ITPRIPL2: variants seen among roughly 807,000 people sequenced by gnomAD.
ITPRIPL2 encodes the protein ITPRIP like 2.
Under a neutral mutation model 31.7 loss-of-function variants are expected in ITPRIPL2, and 29 were observed. The ratio of observed to expected loss-of-function variants is 0.91; its 90% CI spans 0.68 to 1.25. ITPRIPL2 has a LOEUF of 1.25. ITPRIPL2 is among the 50% of genes most tolerant of loss of function. The pLI, the probability that ITPRIPL2 is intolerant of heterozygous loss-of-function variation, is 0.00. For missense variants in ITPRIPL2, 696 were observed against 739.1 expected, an observed-to-expected ratio of 0.94 and a Z score of 0.68; for synonymous variants, 344 against 343.4, an observed-to-expected ratio of 1.00 and a Z score of -0.02.
Position 19,114,541 on chromosome 16 carries a change from A to C in ITPRIPL2, c.80A>C (p.Tyr27Ser). 1 of 1,521,124 alleles carries C rather than the reference A, an allele frequency of 6.6e-7. No homozygotes were observed. Among genetic ancestry groups the C allele is most frequent in the Non-Finnish European group, 8.8e-7 (1 of 1,136,994 alleles). 94.2% of individuals were successfully genotyped at this position (1,521,124 alleles called of 1,614,324 possible). Residue 27 changes from tyrosine (Y) to serine (S), a missense_variant, in exon 1 of 1, where the codon TAC becomes TCC. Transcript: ENST00000381440. ...TGLCTALVCL[Y>S]HVLRGSGGAR... is the part of the protein sequence containing the mutation. ...CTGTGCACCGCCCTGGTGTGCCTCT[A>C]CCATGTCCTGCGGGGAAGCGGGGGC...
Position 19,115,170 on chromosome 16 carries a change from T to A in ITPRIPL2, c.709T>A (p.Cys237Ser), listed in dbSNP as rs8051801. The A allele has an allele frequency of 1.7e-3, 2,662 of 1,605,748 alleles. 46 individuals carry two copies. In the African/African-American group the frequency reaches 0.032, roughly 19 times the overall value. ...CTGCAAACCCTTTGCTGATGCCTTC[T>A]GCGTGGATGTGCGCGGGCGGCGTCA... is the stretch of plus-strand genomic sequence containing the variant. Reference protein sequence around the residue: ...RDCKPFADAFCVDVRGRRHLS... With the variant: ...RDCKPFADAFSVDVRGRRHLS... The change falls in exon 1 of 1, where the codon TGC (cysteine) becomes AGC (serine). Residue 237 changes from cysteine to serine, a missense_variant. By Grantham distance (112) the Cys-to-Ser change is moderately radical. Coordinates refer to ENST00000381440, the MANE Select transcript of ITPRIPL2 (RefSeq NM_001034841.4).
rs1963395540 is a variant in ITPRIPL2 at position 19,114,051 on chromosome 16, G to A, written c.-411G>A. 2 of 397,806 alleles carry A rather than the reference G, an allele frequency of 5.0e-6. No homozygotes were observed. The highest frequency in any genetic ancestry group is 8.9e-6 in the Non-Finnish European group (2 of 225,496). 24.6% of individuals were successfully genotyped at this position (397,806 alleles called of 1,614,324 possible). On this transcript the variant is annotated 5_prime_UTR_variant, in exon 1 of 1. Coordinates refer to ENST00000381440, the MANE Select transcript of ITPRIPL2 (RefSeq NM_001034841.4). The stretch of plus-strand genomic sequence containing the variant: ...GCGGCCTCGCCTCCCCCTCGGAAGA[G>A]GAAACTCCCGGGGTCCGAGTAACAG...
rs1963467802 is a variant in ITPRIPL2 at position 19,118,145 on chromosome 16, G to C, written c.*2076G>C. 6.0e-6 allele frequency: 1 copy of C among 166,460 alleles called. No individual in the cohort carries two copies. The highest frequency in any genetic ancestry group is 2.4e-5 in the African/African-American group (1 of 41,282). The allele number at this position is 166,460 out of a possible 1,614,324, so 10.3% of individuals were successfully genotyped here. On this transcript the variant is annotated 3_prime_UTR_variant, in exon 1 of 1. Coordinates refer to ENST00000381440, the MANE Select transcript of ITPRIPL2 (RefSeq NM_001034841.4). The stretch of plus-strand genomic sequence containing the variant: ...CTCTGTACTCATTGTTTACTACAGT[G>C]GGGGACATCAAGGGTTGGAAGGATT...
Position 19,116,226 on chromosome 16 carries a change from C to T in ITPRIPL2, c.*157C>T. On this transcript the variant is annotated 3_prime_UTR_variant, in exon 1 of 1. Coordinates refer to ENST00000381440, the MANE Select transcript of ITPRIPL2 (RefSeq NM_001034841.4). ...TTTAGTGGCTTAAATATCACCTTCT[C>T]GCTTCACAGTCCAGTATAATATGAC... 2 of 676,098 alleles carry T rather than the reference C, an allele frequency of 3.0e-6. No individual in the cohort carries two copies. The highest frequency in any genetic ancestry group is 5.1e-6 in the Non-Finnish European group (2 of 394,366). 41.9% of individuals were successfully genotyped at this position (676,098 alleles called of 1,614,324 possible). A position where few individuals can be genotyped will look rare whatever the true frequency, so the allele number is the denominator to read the frequency against.
In ITPRIPL2 at chr16:19,115,622, C is replaced by T. The variant is rs1963431270; in HGVS notation, c.1161C>T (p.Ala387=). 6.2e-7 allele frequency: 1 copy of T among 1,608,934 alleles called. No individual in the cohort carries two copies. The highest frequency in any genetic ancestry group is 8.5e-7 in the Non-Finnish European group (1 of 1,179,036). The change falls in exon 1 of 1, where the codon GCC becomes GCT. Residue 387 remains alanine, a synonymous_variant. Transcript: ENST00000381440. ...QLLKALRDLG[A]RGLDSAAATQ... ...TTAAGGCTCTGCGCGATCTGGGGGC[C>T]CGTGGGCTGGACTCAGCGGCCGCCA...
chr16:19,116,629 A>G lies in ITPRIPL2; in HGVS notation c.*560A>G, dbSNP rs1266237702. ...AATTTCCACTGTTCAAATTAATATT[A>G]ATGTATTTTTAAAATGGTGCAATCA... On this transcript the variant is annotated 3_prime_UTR_variant, in exon 1 of 1. Coordinates refer to ENST00000381440, the MANE Select transcript of ITPRIPL2 (RefSeq NM_001034841.4). The G allele has an allele frequency of 6.0e-6, 1 of 167,222 alleles. No homozygotes were observed. The highest frequency in any genetic ancestry group is 2.4e-5 in the African/African-American group (1 of 41,458). 10.4% of individuals were successfully genotyped at this position (167,222 alleles called of 1,614,324 possible). A position where few individuals can be genotyped will look rare whatever the true frequency, so the allele number is the denominator to read the frequency against.
At position 19,115,434 on chromosome 16, in the gene ITPRIPL2, C is replaced by T. The variant is rs754312029; in HGVS notation, c.973C>T (p.Pro325Ser). 3 of 1,610,514 alleles carry T rather than the reference C, an allele frequency of 1.9e-6. No individual in the cohort carries two copies. The South Asian group carries it at 3.3e-5, about 18-fold the overall frequency. Reference protein sequence around the residue: ...LGDGVFLVAPPPPPLPSAPLL... With the variant: ...LGDGVFLVAPSPPPLPSAPLL... The stretch of plus-strand genomic sequence containing the variant: ...AGATGGGGTCTTCCTTGTGGCGCCA[C>T]CACCGCCACCCTTGCCCAGCGCGCC... The change falls in exon 1 of 1, where the codon CCA (proline) becomes TCA (serine). Residue 325 changes from proline (P) to serine (S), a missense_variant. Coordinates refer to ENST00000381440, the MANE Select transcript of ITPRIPL2 (RefSeq NM_001034841.4).
chr16:19,119,562 T>A lies in ITPRIPL2; in HGVS notation c.*3493T>A, dbSNP rs1963487483. ...AACACCATGTGGGCCAAACATTTGT[T>A]TGAGCCTGGGGGCCACCAGTTTGCG... On this transcript the variant is annotated 3_prime_UTR_variant, in exon 1 of 1. Coordinates refer to ENST00000381440, the MANE Select transcript of ITPRIPL2 (RefSeq NM_001034841.4). The A allele has an allele frequency of 6.0e-6, 1 of 167,222 alleles. No individual in the cohort carries two copies. The highest frequency in any genetic ancestry group is 2.1e-4 in the South Asian group (1 of 4,824). The allele number at this position is 167,222 out of a possible 1,614,324, so 10.4% of individuals were successfully genotyped here.
chr16:19,120,905 T>C lies in ITPRIPL2; in HGVS notation c.*4836T>C, dbSNP rs924860013. ...CACTTTTTCTGTAACATGTGGCTTT[T>C]GACCTTGATGAAGACTTTGACTTCT... On this transcript the variant is annotated 3_prime_UTR_variant, in exon 1 of 1. Transcript: ENST00000381440. 25 of 167,014 alleles carry C rather than the reference T, an allele frequency of 1.5e-4. No individual in the cohort carries two copies. The highest frequency in any genetic ancestry group is 6.0e-4 in the African/African-American group (25 of 41,414). 10.3% of individuals were successfully genotyped at this position (167,014 alleles called of 1,614,324 possible).
chr16:19,114,413 G>A lies in ITPRIPL2; in HGVS notation c.-49G>A. 9 of 1,283,786 alleles carry A rather than the reference G, an allele frequency of 7.0e-6. No homozygotes were observed. The highest frequency in any genetic ancestry group is 8.9e-6 in the Non-Finnish European group (9 of 1,013,898). The allele number at this position is 1,283,786 out of a possible 1,614,324, so 79.5% of individuals were successfully genotyped here. A position where few individuals can be genotyped will look rare whatever the true frequency, so the allele number is the denominator to read the frequency against. The stretch of plus-strand genomic sequence containing the variant: ...CGCATGCTGGGCTTGGGTCGCCGCC[G>A]GGGCTTGCCCCCTGGGCTGCTCGGC... On this transcript the variant is annotated 5_prime_UTR_variant, in exon 1 of 1. Coordinates refer to ENST00000381440, the MANE Select transcript of ITPRIPL2 (RefSeq NM_001034841.4).
At position 19,121,320 on chromosome 16, in the gene ITPRIPL2, T is replaced by A. The variant is rs767061101; in HGVS notation, c.*5251T>A. ...GTTGCGTGACTTAGAACATTCATCCTATTTTATTGTGATTTTTAATGTCTT... is the reference window on the plus strand; with the variant it reads ...GTTGCGTGACTTAGAACATTCATCCAATTTTATTGTGATTTTTAATGTCTT... On this transcript the variant is annotated 3_prime_UTR_variant, in exon 1 of 1. Coordinates refer to ENST00000381440, the MANE Select transcript of ITPRIPL2 (RefSeq NM_001034841.4). 4 of 167,094 alleles carry A rather than the reference T, an allele frequency of 2.4e-5. No homozygotes were observed. Among genetic ancestry groups the A allele is most frequent in the Non-Finnish European group, 4.4e-5 (3 of 68,120 alleles). 10.4% of individuals were successfully genotyped at this position (167,094 alleles called of 1,614,324 possible). A position where few individuals can be genotyped will look rare whatever the true frequency, so the allele number is the denominator to read the frequency against.
Position 19,115,165 on chromosome 16 carries a change from C to G in ITPRIPL2, c.704C>G (p.Ala235Gly). 6.2e-7 allele frequency: 1 copy of G among 1,605,422 alleles called. No homozygotes were observed. Among genetic ancestry groups the G allele is most frequent in the Non-Finnish European group, 8.5e-7 (1 of 1,179,948 alleles). Residue 235 changes from alanine (A) to glycine (G), a missense_variant, in exon 1 of 1, where the codon GCC (alanine) becomes GGC (glycine). By Grantham distance (60) the Ala-to-Gly change is moderately conservative. Transcript: ENST00000381440. ...WLRDCKPFAD[A>G]FCVDVRGRRH... ...CGGGACTGCAAACCCTTTGCTGATGCCTTCTGCGTGGATGTGCGCGGGCGG... is the reference window on the plus strand; with the variant it reads ...CGGGACTGCAAACCCTTTGCTGATGGCTTCTGCGTGGATGTGCGCGGGCGG...
chr16:19,118,676 T>G lies in ITPRIPL2; in HGVS notation c.*2607T>G. On this transcript the variant is annotated 3_prime_UTR_variant, in exon 1 of 1. Transcript: ENST00000381440. ...TTATTTTTTTAAAATAAATTGTGCATTGTATTTGTGAATTTTTAAAATATT... is the reference window on the plus strand; with the variant it reads ...TTATTTTTTTAAAATAAATTGTGCAGTGTATTTGTGAATTTTTAAAATATT... 2 of 248,128 alleles carry G rather than the reference T, an allele frequency of 8.1e-6. No individual in the cohort carries two copies. Among genetic ancestry groups the G allele is most frequent in the Non-Finnish European group, 1.6e-5 (2 of 122,246 alleles). 15.4% of individuals were successfully genotyped at this position (248,128 alleles called of 1,614,324 possible). A position where few individuals can be genotyped will look rare whatever the true frequency, so the allele number is the denominator to read the frequency against.
In ITPRIPL2 at chr16:19,114,703, T is replaced by A. The variant is rs1281953645; in HGVS notation, c.242T>A (p.Leu81Gln). The part of the protein sequence containing the change: ...RQRFLPGSPR[L>Q]EGHAAFSSRH... The stretch of plus-strand genomic sequence containing the variant: ...CGCTTCCTGCCCGGGTCTCCCCGTC[T>A]GGAGGGTCACGCCGCCTTCTCCTCG... Residue 81 changes from leucine (L) to glutamine (Q), a missense_variant, in exon 1 of 1, where the codon CTG (leucine) becomes CAG (glutamine). Physicochemically the swap from Leu to Gln is moderately radical, Grantham distance 113. Coordinates refer to ENST00000381440, the MANE Select transcript of ITPRIPL2 (RefSeq NM_001034841.4). The A allele has an allele frequency of 6.2e-7, 1 of 1,612,582 alleles. No individual in the cohort carries two copies. The highest frequency in any genetic ancestry group is 1.7e-5 in the Admixed American group (1 of 59,978).
rs1024450488 is a variant in ITPRIPL2 at position 19,119,606 on chromosome 16, T to G, written c.*3537T>G. ...GTTTGCGACCACTGCCTTACGTAGT[T>G]AACACCCTGAGTATGTATACAGTCA... On this transcript the variant is annotated 3_prime_UTR_variant, in exon 1 of 1. Transcript: ENST00000381440. The G allele has an allele frequency of 1.2e-5, 2 of 167,090 alleles. No individual in the cohort carries two copies. The highest frequency in any genetic ancestry group is 2.9e-5 in the Non-Finnish European group (2 of 68,158). The allele number at this position is 167,090 out of a possible 1,614,324, so 10.4% of individuals were successfully genotyped here. A position where few individuals can be genotyped will look rare whatever the true frequency, so the allele number is the denominator to read the frequency against.
At position 19,115,766 on chromosome 16, in the gene ITPRIPL2, G is replaced by T. The variant is rs149109076; in HGVS notation, c.1305G>T (p.Glu435Asp). 1 of 1,613,078 alleles carries T rather than the reference G, an allele frequency of 6.2e-7. No individual in the cohort carries two copies. Among genetic ancestry groups the T allele is most frequent in the East Asian group, 2.2e-5 (1 of 44,882 alleles). Reference sequence around the variant, plus strand: ...AGGAGCACCTGGGAAGGTGTTTGGAGGAGTTGGTGCAGTTCCTTAGGGACT... The same window carrying T: ...AGGAGCACCTGGGAAGGTGTTTGGATGAGTTGGTGCAGTTCCTTAGGGACT... ...WDEEHLGRCL[E>D]ELVQFLRDCL... is the part of the protein sequence containing the mutation. The change falls in exon 1 of 1, where the codon GAG (glutamate) becomes GAT (aspartate). Residue 435 changes from glutamate to aspartate, a missense_variant. Transcript: ENST00000381440.
Position 19,118,879 on chromosome 16 carries a change from CA to C in ITPRIPL2, c.*2812del. On this transcript the variant is annotated 3_prime_UTR_variant, in exon 1 of 1. Coordinates refer to ENST00000381440, the MANE Select transcript of ITPRIPL2 (RefSeq NM_001034841.4). ...TTGCCCAAGACAGTTAAATTAAGCT[CA>C]ATTCTGTATTTTATTAGGGCTCTGT... The C allele has an allele frequency of 2.4e-6, 1 of 412,264 alleles. No homozygotes were observed. The highest frequency in any genetic ancestry group is 4.4e-6 in the Non-Finnish European group (1 of 225,766). The allele number at this position is 412,264 out of a possible 1,614,324, so 25.5% of individuals were successfully genotyped here. A position where few individuals can be genotyped will look rare whatever the true frequency, so the allele number is the denominator to read the frequency against.
chr16:19,115,937 A>G lies in ITPRIPL2; in HGVS notation c.1476A>G (p.Ala492=), dbSNP rs1963438441. The change falls in exon 1 of 1, where the codon GCA becomes GCG. Residue 492 remains alanine, a synonymous_variant. Transcript: ENST00000381440. The stretch of plus-strand genomic sequence containing the variant: ...TCGACGGGCACGCCCGGGAACTTGC[A>G]GCAGCGCGGTTGCTGTCCACGTGGC... ...AAFDGHAREL[A]AARLLSTWQR... The G allele has an allele frequency of 1.9e-6, 3 of 1,612,672 alleles. No homozygotes were observed. The highest frequency in any genetic ancestry group is 1.7e-5 in the Admixed American group (1 of 60,004).
chr16:19,114,238 G>C lies in ITPRIPL2; in HGVS notation c.-224G>C, dbSNP rs1394776155. The C allele has an allele frequency of 1.2e-5, 4 of 335,806 alleles. No homozygotes were observed. Among genetic ancestry groups the C allele is most frequent in the African/African-American group, 8.6e-5 (4 of 46,436 alleles). The allele number at this position is 335,806 out of a possible 1,614,324, so 20.8% of individuals were successfully genotyped here. On this transcript the variant is annotated 5_prime_UTR_variant, in exon 1 of 1. Coordinates refer to ENST00000381440, the MANE Select transcript of ITPRIPL2 (RefSeq NM_001034841.4). The stretch of plus-strand genomic sequence containing the variant: ...GCGCAGCCGGGGCAGGGCGCGGCCC[G>C]GGGCCCGAGAGCGCAGGGCGGGCCG...
Sources: allele counts gnomAD v4.1 joint callset, GRCh38; gene constraint gnomAD v4.1.1; transcripts MANE v1.5; gene names NCBI Gene and HGNC (gene_info 2026-07-23, HGNC 2026-07-21).